The following PRKCA variants were observed in gnomAD, a reference collection of about 807,000 sequenced individuals.
PRKCA encodes the protein protein kinase C alpha.
A neutral mutation model predicts 87.0 loss-of-function variants in PRKCA; 27 were observed. That is an observed-to-expected ratio of 0.31 (90% CI 0.23 to 0.43). The LOEUF is 0.43. Ranked by LOEUF, PRKCA falls within the 20% of genes least tolerant of loss-of-function variation. The probability of loss-of-function intolerance (pLI) is 1.00; values close to 1 mark genes in which losing one functional copy is unlikely to be tolerated. For synonymous variants in PRKCA, 329 were observed against 311.1 expected, an observed-to-expected ratio of 1.06 and a Z score of -0.61; for missense variants, 518 against 852.3, an observed-to-expected ratio of 0.61 and a Z score of 4.88.
rs544997517 is a variant in PRKCA at position 66,807,521 on chromosome 17, T to G, written c.*3484T>G. ...AAAGGCAGATCAGAAACCACAGGAG[T>G]CAAAATTATTGCTCCGGCAGTGCTT... On this transcript the variant is annotated 3_prime_UTR_variant, in exon 17 of 17. Coordinates refer to ENST00000413366, the MANE Select transcript of PRKCA (RefSeq NM_002737.3). This position sits in a 1 kb window ranked among gnomAD's most constrained non-coding sequence, Gnocchi z 4.3. 6.6e-6 allele frequency: 1 copy of G among 151,840 alleles called. No individual in the cohort carries two copies. The highest frequency in any genetic ancestry group is 1.5e-5 in the Non-Finnish European group (1 of 67,950). The allele number at this position is 151,840 out of a possible 1,614,324, so 9.4% of individuals were successfully genotyped here.
intron 5 of PRKCA, among the ~76,000 whole-genome samples, chr17:66,675,430 A>G (rs907027277): frequency 6.6e-6 from 1 of 152,182 alleles, no homozygotes; most frequent in African/African-American, 2.4e-5. Flanking sequence ...AGCTCTTCCC[A>G]TCCCCAGCCG....
chr17:66,458,951 C>T (rs1391252959), intron 2 of PRKCA, among the ~76,000 whole-genome samples: 1 of 152,142 alleles, frequency 6.6e-6, no homozygotes, highest in African/African-American at 2.4e-5. Flanking sequence ...ATGTTATCCC[C>T]ATTTTACAGA....
chr17:66,788,365 T>C (rs1270921094), intron 15 of PRKCA, among the ~76,000 whole-genome samples: 1 of 152,200 alleles, frequency 6.6e-6, no homozygotes, highest in African/African-American at 2.4e-5. Flanking sequence ...TAGCATTTAT[T>C]TTTCTAATCT....
chr17:66,451,343 A>AATTAATTT (rs146230545), intron 2 of PRKCA, among the ~76,000 whole-genome samples: 3,824 of 144,954 alleles, frequency 0.026, 57 homozygotes, highest in South Asian at 0.064. Context: ...ACGGAGTTAG[A>AATTAATTT]ATTTATTTAT....
In PRKCA at chr17:66,737,829, C is replaced by A. The variant is rs374915931; in HGVS notation, c.1231-935C>A. Among the ~76,000 whole-genome samples the A allele has an allele frequency of 2.0e-5, 3 of 152,166 alleles. No homozygotes were observed. In the South Asian group the frequency reaches 6.2e-4, roughly 32 times the overall value. On this transcript the variant is annotated intron_variant, in intron 10 of 16. Transcript: ENST00000413366. Reference sequence around the variant, plus strand: ...CCCAGAGCCTGTAACCCTGGTTACCCTGATTAAGCTCTGGAAAGCTACAAA... The same window carrying A: ...CCCAGAGCCTGTAACCCTGGTTACCATGATTAAGCTCTGGAAAGCTACAAA...
At chr17:66,357,262 G>A (rs931786559) in intron 2 of PRKCA, among the ~76,000 whole-genome samples, 1 of 152,118 alleles carries the variant, frequency 6.6e-6, no homozygotes, top group Admixed American at 6.5e-5. Flanking sequence ...GGTGGGGGAG[G>A]GCACTAGAGG....
chr17:66,795,673 C>T (rs912156374), intron 16 of PRKCA, among the ~76,000 whole-genome samples: 1 of 152,140 alleles, frequency 6.6e-6, no homozygotes. Context: ...TAAATACAGA[C>T]CCTGTGTACA....
chr17:66,563,995 CTTCCTTCCTCCTTTCTT>C (rs1968802684), intron 3 of PRKCA, among the ~76,000 whole-genome samples: 1 of 107,624 alleles, frequency 9.3e-6, no homozygotes, highest in Non-Finnish European at 1.9e-5. Flanking sequence ...TCCTTCCTTC[CTTCCTTCCTCCTTTCTT>C]TCTCTCTCTC....
intron 3 of PRKCA, among the ~76,000 whole-genome samples, chr17:66,499,102 G>A (rs980648803): frequency 6.6e-6 from 1 of 152,150 alleles, no homozygotes; most frequent in Non-Finnish European, 1.5e-5. Context: ...GGAGGCAGGT[G>A]TGGCAGTCAG....
chr17:66,545,691 AG>A (rs1196241631), intron 3 of PRKCA, among the ~76,000 whole-genome samples: 2 of 152,198 alleles, frequency 1.3e-5, no homozygotes, highest in Admixed American at 6.5e-5. Flanking sequence ...GAAAAATGTC[AG>A]GCAAAATTTT....
intron 2 of PRKCA, among the ~76,000 whole-genome samples, chr17:66,470,208 TTTTTA>T (rs1383636878): frequency 1.2e-4 from 17 of 144,966 alleles, no homozygotes; most frequent in African/African-American, 4.4e-4. Context: ...TTTTTTTTTT[TTTTTA>T]AAAGACAGAG....
At chr17:66,659,920 A>G (rs757838179) in intron 5 of PRKCA, among the ~76,000 whole-genome samples, 2 of 152,202 alleles carry the variant, frequency 1.3e-5, no homozygotes, top group African/African-American at 2.4e-5. Context: ...GCTTACAGCT[A>G]TCCATTATTT....
chr17:66,533,565 GT>G (rs1967644924), intron 3 of PRKCA, among the ~76,000 whole-genome samples: 1 of 152,176 alleles, frequency 6.6e-6, no homozygotes, highest in South Asian at 2.1e-4. Context: ...ACGTGGTAGG[GT>G]CAGCCTTCTG....
rs1165425981 is a variant in PRKCA, at chr17:66,798,453, C to CGGTGGT, written c.1855-5391_1855-5386dup. On this transcript the variant is annotated intron_variant, in intron 16 of 16. Coordinates refer to ENST00000413366, the MANE Select transcript of PRKCA (RefSeq NM_002737.3). ...GTGGTGACGGTGGTGGTGGTGGTGA[C>CGGTGGT]GGTGGTGGTGGTGGTGGTGGTGGTG... Among the ~76,000 whole-genome samples, 44 of 8,744 alleles carry CGGTGGT rather than the reference C, an allele frequency of 5.0e-3. 3 individuals carry two copies. Among genetic ancestry groups the CGGTGGT allele is most frequent in the East Asian group, 0.016 (3 of 184 alleles). 5.7% of individuals were successfully genotyped at this position (8,744 alleles called of 152,430 possible). A position where few individuals can be genotyped will look rare whatever the true frequency, so the allele number is the denominator to read the frequency against.
intron 3 of PRKCA, among the ~76,000 whole-genome samples, chr17:66,555,485 C>T (rs1400646678): frequency 6.6e-6 from 1 of 152,146 alleles, no homozygotes; most frequent in Non-Finnish European, 1.5e-5. Context: ...CACTTGGGCA[C>T]CTTTGAACAG....
chr17:66,528,347 C>G (rs1967419024), intron 3 of PRKCA, among the ~76,000 whole-genome samples: 1 of 151,940 alleles, frequency 6.6e-6, no homozygotes, highest in African/African-American at 2.4e-5. Context: ...TATCCATGTC[C>G]TAATATCCAG....
At chr17:66,304,648 G>A (rs1053856359) in intron 1 of PRKCA, among the ~76,000 whole-genome samples, 2 of 152,190 alleles carry the variant, frequency 1.3e-5, no homozygotes, top group Non-Finnish European at 2.9e-5. Flanking sequence ...ATCCCAAAGG[G>A]CAGGTCCCAT....
intron 3 of PRKCA, among the ~76,000 whole-genome samples, chr17:66,605,871 A>G (rs1352410634): frequency 6.6e-6 from 1 of 152,224 alleles, no homozygotes; most frequent in Non-Finnish European, 1.5e-5. Flanking sequence ...AACATCCAGA[A>G]TAAGCAAATC....
At chr17:66,437,223 A>C (rs1179795222) in intron 2 of PRKCA, among the ~76,000 whole-genome samples, 1 of 152,174 alleles carries the variant, frequency 6.6e-6, no homozygotes, top group East Asian at 1.9e-4. Context: ...GCAGGTGGAG[A>C]GGACCTTTTT....
Sources: allele counts gnomAD v4.1 joint callset (sites outside exome capture counted in the v4.1 genomes callset), GRCh38; gene constraint gnomAD v4.1.1; non-coding constraint Gnocchi (gnomAD v3.1); transcripts MANE v1.5; gene names NCBI Gene and HGNC (gene_info 2026-07-23, HGNC 2026-07-21).